RGS19: variants seen among roughly 807,000 people sequenced by gnomAD.
RGS19 encodes the protein regulator of G protein signaling 19, also known as G alpha interacting protein.
In RGS19, 9 loss-of-function variants were observed where a neutral mutation model predicts 22.0. The ratio of observed to expected loss-of-function variants is 0.41; its 90% confidence interval spans 0.25 to 0.71. The LOEUF is 0.71. Among genes scored for constraint, RGS19 ranks in the 30% least tolerant of loss-of-function variants. The pLI, the probability that RGS19 is intolerant of heterozygous loss-of-function variation, is 0.32. For missense variants in RGS19, 256 were observed against 307.1 expected (o/e 0.83, Z 1.24); for synonymous variants, 130 against 127.3 (o/e 1.02, Z -0.14).
In RGS19 at chr20:64,073,815, C is replaced by T; in HGVS notation, c.*38G>A. ...ACACCTGAAGGGAACCCAGAGTCGG[C>T]CGTAGGAGGCGGCGGGGTCTGTGCT... On this transcript the variant is annotated 3_prime_UTR_variant, in exon 6 of 6. Transcript: ENST00000395042. 2 of 1,545,254 alleles carry T rather than the reference C, an allele frequency of 1.3e-6. No individual in the cohort carries two copies. The highest frequency in any genetic ancestry group is 2.3e-5 in the East Asian group (1 of 44,214).
Position 64,073,282 on chromosome 20 carries a change from A to G in RGS19, c.*571T>C, listed in dbSNP as rs1371305096. On this transcript the variant is annotated 3_prime_UTR_variant, in exon 6 of 6. Transcript: ENST00000395042. ...TTTTTTGATAAAACACCTAGTAAGG[A>G]CATGTTTCCAGGTTTAAAGTTCATG... 6.6e-6 allele frequency: 1 copy of G among 152,288 alleles called. No individual in the cohort carries two copies. Among genetic ancestry groups the G allele is most frequent in the Non-Finnish European group, 1.5e-5 (1 of 68,088 alleles). The allele number at this position is 152,288 out of a possible 1,614,324, so 9.4% of individuals were successfully genotyped here.
In RGS19 at chr20:64,073,972, C is replaced by T. The variant is rs1391092013; in HGVS notation, c.535G>A (p.Asp179Asn). Reference protein sequence around the residue: ...MQEPSAHTFDDAQLQIYTLMH... With the variant: ...MQEPSAHTFDNAQLQIYTLMH... ...AGCGTGTAGATCTGCAGCTGCGCGT[C>T]GTCGAACGTGTGTGCGGACGGCTCC... is the stretch of plus-strand genomic sequence containing the variant. Residue 179 changes from aspartate to asparagine, a missense_variant, in exon 6 of 6, where the codon GAC becomes AAC. Coordinates refer to ENST00000395042, the MANE Select transcript of RGS19 (RefSeq NM_005873.3). 5.0e-6 allele frequency: 8 copies of T among 1,585,700 alleles called. No homozygotes were observed. The highest frequency in any genetic ancestry group is 2.3e-5 in the South Asian group (2 of 88,204).
chr20:64,076,712 A>G, intron 2 of RGS19, 66 bp from the exon 3 acceptor site: 1 of 1,524,646 alleles, frequency 6.6e-7, no homozygotes, highest in Non-Finnish European at 9.0e-7. Flanking sequence ...CCTCTCCCCC[A>G]CCTTCCCATG....
In RGS19 at chr20:64,079,490, G is replaced by A. The variant is rs1250796288; in HGVS notation, c.-265C>T. The A allele has an allele frequency of 5.3e-5, 8 of 151,048 alleles. No individual in the cohort carries two copies. The highest frequency in any genetic ancestry group is 1.5e-5 in the Non-Finnish European group (1 of 67,530). The allele number at this position is 151,048 out of a possible 1,614,324, so 9.4% of individuals were successfully genotyped here. ...CCGGGGGCGCAGCGCCTCCCCTACA[G>A]CTCGAAGGGCTGAGTGGCTGCCAGA... On this transcript the variant is annotated 5_prime_UTR_variant, in exon 1 of 6. Coordinates refer to ENST00000395042, the MANE Select transcript of RGS19 (RefSeq NM_005873.3). This position sits in a 1 kb window ranked among gnomAD's most constrained non-coding sequence, Gnocchi z 5.1.
chr20:64,073,684 TG>T lies in RGS19; in HGVS notation c.*168del. The T allele has an allele frequency of 1.7e-6, 1 of 599,380 alleles. No individual in the cohort carries two copies. Among genetic ancestry groups the T allele is most frequent in the Non-Finnish European group, 2.8e-6 (1 of 353,576 alleles). The allele number at this position is 599,380 out of a possible 1,614,324, so 37.1% of individuals were successfully genotyped here. A position where few individuals can be genotyped will look rare whatever the true frequency, so the allele number is the denominator to read the frequency against. ...CCTGGAGTTCCTGCTTGGCCACGGGTGGGCAGACCCAGGAGACACAGCACTC... is the reference window on the plus strand; with the variant it reads ...CCTGGAGTTCCTGCTTGGCCACGGGTGGCAGACCCAGGAGACACAGCACTC... On this transcript the variant is annotated 3_prime_UTR_variant, in exon 6 of 6. Transcript: ENST00000395042.
intron 1 of RGS19, among the ~76,000 whole-genome samples, chr20:64,077,196 GC>G (rs2059912354): frequency 1.3e-5 from 2 of 152,114 alleles, no homozygotes; most frequent in South Asian, 4.1e-4. Flanking sequence ...CCCAGATGAG[GC>G]CCCCACTGGA....
Position 64,073,886 on chromosome 20 carries a change from C to A in RGS19, c.621G>T (p.Leu207=). 3 of 1,613,058 alleles carry A rather than the reference C, an allele frequency of 1.9e-6. No homozygotes were observed. Among genetic ancestry groups the A allele is most frequent in the Non-Finnish European group, 2.5e-6 (3 of 1,179,578 alleles). Residue 207 remains leucine, a synonymous_variant, in exon 6 of 6, where the codon CTG becomes CTT. Coordinates refer to ENST00000395042, the MANE Select transcript of RGS19 (RefSeq NM_005873.3). ...CGGAGGAGGACTGTGATGGCCCCTGCAGCAGCAGGGCACGGTAGGTGGGAG... is the reference window on the plus strand; with the variant it reads ...CGGAGGAGGACTGTGATGGCCCCTGAAGCAGCAGGGCACGGTAGGTGGGAG... ...LSSPTYRALL[L]QGPSQSSSEA is the part of the protein sequence containing the mutation.
chr20:64,075,867 GTCTT>G lies in RGS19; in HGVS notation c.152+654_152+657del, dbSNP rs200337090. ...CACACACTGTATGGGGTCTGTGCCT[GTCTT>G]TCTTTCTTTCTTTCTTTTTTTTTTT... On this transcript the variant is annotated intron_variant, in intron 3 of 5. Transcript: ENST00000395042. This position sits in a 1 kb window ranked among gnomAD's most constrained non-coding sequence, Gnocchi z 4.6. Among the ~76,000 whole-genome samples the G allele has an allele frequency of 0.074, 11,095 of 149,892 alleles. 486 individuals are homozygous for G. The highest frequency in any genetic ancestry group is 0.22 in the South Asian group (1,034 of 4,686).
chr20:64,078,879 C>A (rs1382186676), intron 1 of RGS19, among the ~76,000 whole-genome samples: 1 of 152,196 alleles, frequency 6.6e-6, no homozygotes, highest in Non-Finnish European at 1.5e-5. Flanking sequence ...GGCACGTCTG[C>A]TCTCTGGGGA....
chr20:64,077,492 G>T (rs560729848), intron 1 of RGS19, among the ~76,000 whole-genome samples: 2 of 152,210 alleles, frequency 1.3e-5, no homozygotes, highest in African/African-American at 4.8e-5. Context: ...GACTCAGGCT[G>T]GACTTGCTGA....
chr20:64,076,120 A>G (rs1484994050), intron 3 of RGS19, among the ~76,000 whole-genome samples: 2 of 152,032 alleles, frequency 1.3e-5, no homozygotes, highest in Non-Finnish European at 2.9e-5. Flanking sequence ...ACCTCAGGTG[A>G]TCCGCCCACC....
upstream of RGS19, chr20:64,079,955 G>A (rs1391110549): frequency 1.3e-5 from 2 of 148,238 alleles, no homozygotes; most frequent in East Asian, 3.9e-4. This position sits in a 1 kb window ranked among gnomAD's most constrained non-coding sequence, Gnocchi z 5.1. Context: ...GGGGCGCGGG[G>A]GCGCAGTGCG....
Position 64,075,663 on chromosome 20 carries a change from C to T in RGS19, c.152+862G>A, listed in dbSNP as rs6010715. On this transcript the variant is annotated intron_variant, in intron 3 of 5. Transcript: ENST00000395042. This position sits in a 1 kb window ranked among gnomAD's most constrained non-coding sequence, Gnocchi z 4.6. Reference sequence around the variant, plus strand: ...AACATCCACCAGCTCCCCTACACTCCTAGGAAATCTGTTACCATCTGGGAG... The same window carrying T: ...AACATCCACCAGCTCCCCTACACTCTTAGGAAATCTGTTACCATCTGGGAG... Among the ~76,000 whole-genome samples, 6 of 152,288 alleles carry T rather than the reference C, an allele frequency of 3.9e-5. No homozygotes were observed. In the South Asian group the frequency reaches 1.0e-3, roughly 26 times the overall value.
At position 64,075,881 on chromosome 20, in the gene RGS19, CTTTCTT is replaced by C. The variant is rs1187593115; in HGVS notation, c.152+638_152+643del. Among the ~76,000 whole-genome samples, 15 of 149,248 alleles carry C rather than the reference CTTTCTT, an allele frequency of 1.0e-4. No individual in the cohort carries two copies. Among genetic ancestry groups the C allele is most frequent in the Admixed American group, 2.0e-4 (3 of 15,062 alleles). On this transcript the variant is annotated intron_variant, in intron 3 of 5. Transcript: ENST00000395042. This position sits in a 1 kb window ranked among gnomAD's most constrained non-coding sequence, Gnocchi z 4.6. ...GGTCTGTGCCTGTCTTTCTTTCTTT[CTTTCTT>C]TTTTTTTTTTTGAGACGGAGTTTTG...
chr20:64,079,661 A>G (rs2059943233), upstream of RGS19: 1 of 151,788 alleles, frequency 6.6e-6, no homozygotes, highest in Non-Finnish European at 1.5e-5. The surrounding 1 kb of genome is among the most constrained non-coding windows in gnomAD (Gnocchi z 5.1). Context: ...AGCTCCAGAA[A>G]AAGGGGAACC....
chr20:64,075,251 G>T lies in RGS19; in HGVS notation c.153-710C>A, dbSNP rs1474857320. On this transcript the variant is annotated intron_variant, in intron 3 of 5. Transcript: ENST00000395042. The surrounding 1 kb of genome is among the most constrained non-coding windows in gnomAD (Gnocchi z 4.6). Reference sequence around the variant, plus strand: ...GATGGGGTCACACGCTGCAGGTCTGGCGTGTCAGCAGTGTCTCTCGTCGGC... The same window carrying T: ...GATGGGGTCACACGCTGCAGGTCTGTCGTGTCAGCAGTGTCTCTCGTCGGC... Among the ~76,000 whole-genome samples the T allele has an allele frequency of 6.6e-6, 1 of 152,198 alleles. No individual in the cohort carries two copies. The highest frequency in any genetic ancestry group is 1.9e-4 in the East Asian group (1 of 5,188).
chr20:64,074,622 C>T (rs1015533093), intron 3 of RGS19, 81 bp from the exon 4 acceptor site: 2 of 1,342,310 alleles, frequency 1.5e-6, no homozygotes, highest in Non-Finnish European at 2.0e-6. Context: ...TGGGCAGGCA[C>T]CTGACACACA....
intron 1 of RGS19, among the ~76,000 whole-genome samples, chr20:64,077,399 C>A (rs1237272702): frequency 6.6e-6 from 1 of 152,096 alleles, no homozygotes; most frequent in East Asian, 1.9e-4. Context: ...GGCTTCCCAC[C>A]AAGAGTCCAG....
Position 64,075,541 on chromosome 20 carries a change from C to G in RGS19, c.152+984G>C, listed in dbSNP as rs1007194462. ...GCCCCCTGGCCACCCCCAGCTTGCC[C>G]GTGGGTCAGCTGACGCCACCTTGGA... On this transcript the variant is annotated intron_variant, in intron 3 of 5. Transcript: ENST00000395042. The surrounding 1 kb of genome is among the most constrained non-coding windows in gnomAD (Gnocchi z 4.6). Among the ~76,000 whole-genome samples, 1 of 152,110 alleles carries G rather than the reference C, an allele frequency of 6.6e-6. No individual in the cohort carries two copies. The highest frequency in any genetic ancestry group is 1.5e-5 in the Non-Finnish European group (1 of 67,994).
Sources: gnomAD v4.1 joint callset for allele counts (sites outside exome capture counted in the v4.1 genomes callset) on GRCh38, gnomAD v4.1.1 for gene constraint, Gnocchi (gnomAD v3.1) non-coding constraint, MANE v1.5 for transcripts, NCBI Gene and HGNC (gene_info 2026-07-23, HGNC 2026-07-21) for gene names.